SLC24A3: variants seen among roughly 807,000 people sequenced by gnomAD.
The protein encoded by SLC24A3 is sodium/potassium/calcium exchanger 3.
SLC24A3 carries 28 observed loss-of-function variants against 75.8 expected under a neutral mutation model. The observed-to-expected ratio is 0.37, with a 90% CI of 0.27 to 0.51. The LOEUF (loss-of-function observed/expected upper bound fraction) is 0.51, where lower values mean the gene tolerates loss of function less well. SLC24A3 is among the 20% of genes least tolerant of loss of function. SLC24A3 has a pLI of 0.94. For missense variants in SLC24A3, 663 were observed against 847.8 expected (o/e 0.78, Z 2.71); for synonymous variants, 372 against 334.1 (o/e 1.11, Z -1.24).
rs555751486 is a variant in SLC24A3 at position 19,274,338 on chromosome 20, ATCT to A, written c.143-6617_143-6615del. On this transcript the variant is annotated intron_variant, in intron 1 of 16. Coordinates refer to ENST00000328041, the MANE Select transcript of SLC24A3 (RefSeq NM_020689.4). ...ACCTATCGCCTCCTGTGGCTTGGAGATCTTCTCCCAGCCACCTTCTCTGGATAT... is the reference window on the plus strand; with the variant it reads ...ACCTATCGCCTCCTGTGGCTTGGAGATCTCCCAGCCACCTTCTCTGGATAT... Among the ~76,000 whole-genome samples the A allele has an allele frequency of 1.3e-3, 194 of 151,932 alleles. 1 individual carries two copies. The highest frequency in any genetic ancestry group is 3.4e-3 in the African/African-American group (139 of 41,458).
chr20:19,569,504 C>T (rs137860415), intron 3 of SLC24A3, among the ~76,000 whole-genome samples: 14 of 152,200 alleles, frequency 9.2e-5, no homozygotes, highest in African/African-American at 3.1e-4. Flanking sequence ...TTCTCTGCTC[C>T]AACCCCTCTC....
intron 2 of SLC24A3, among the ~76,000 whole-genome samples, chr20:19,336,094 A>AAG (rs35962609): frequency 0.16 from 24,310 of 152,116 alleles, 4,131 homozygotes; most frequent in African/African-American, 0.41. Context: ...ACTTAGAAGT[A>AAG]AGACTTTAAT....
At chr20:19,658,038 G>A (rs572747760) in intron 7 of SLC24A3, among the ~76,000 whole-genome samples, 3 of 152,260 alleles carry the variant, frequency 2.0e-5, no homozygotes, top group South Asian at 4.1e-4. Flanking sequence ...TTCAGAAGGC[G>A]TGTAACTGTC....
At chr20:19,506,528 C>A (rs1988464460) in intron 2 of SLC24A3, among the ~76,000 whole-genome samples, 1 of 152,194 alleles carries the variant, frequency 6.6e-6, no homozygotes, top group Non-Finnish European at 1.5e-5. Flanking sequence ...TCAGCTCTTC[C>A]ACTAACGTCT....
chr20:19,473,739 C>T lies in SLC24A3; in HGVS notation c.272-41749C>T, dbSNP rs567328379. ...ACAATGCTGTCCACAGAGGGTCTGG[C>T]CACTGCTATGCAGAGGCTGATGGGC... is the stretch of plus-strand genomic sequence containing the variant. On this transcript the variant is annotated intron_variant, in intron 2 of 16. Transcript: ENST00000328041. 7.2e-5 allele frequency among the ~76,000 whole-genome samples: 11 copies of T among 152,324 alleles called. No homozygotes were observed. In the East Asian group the frequency reaches 9.7e-4, roughly 13 times the overall value.
intron 6 of SLC24A3, among the ~76,000 whole-genome samples, chr20:19,611,691 A>T (rs1009594940): frequency 6.6e-6 from 1 of 152,232 alleles, no homozygotes; most frequent in African/African-American, 2.4e-5. Context: ...CCAAGAGGAC[A>T]TTAGGGACTA....
chr20:19,536,783 C>T (rs1270536072), intron 3 of SLC24A3, among the ~76,000 whole-genome samples: 1 of 152,132 alleles, frequency 6.6e-6, no homozygotes, highest in Non-Finnish European at 1.5e-5. Context: ...GGAAAGGATT[C>T]CCTATTTAAT....
intron 1 of SLC24A3, among the ~76,000 whole-genome samples, chr20:19,256,915 G>C (rs1327786819): frequency 6.6e-6 from 1 of 151,888 alleles, no homozygotes; most frequent in Non-Finnish European, 1.5e-5. Context: ...TGAAATTAAT[G>C]TCACCTGTTT....
intron 15 of SLC24A3, among the ~76,000 whole-genome samples, chr20:19,714,308 G>C (rs890213998): frequency 6.6e-6 from 1 of 150,634 alleles, no homozygotes; most frequent in East Asian, 2.0e-4. Context: ...GGGAGGCTAA[G>C]GCAGGAGGAT....
At chr20:19,400,310 T>G (rs554965709) in intron 2 of SLC24A3, among the ~76,000 whole-genome samples, 1 of 152,192 alleles carries the variant, frequency 6.6e-6, no homozygotes, top group Non-Finnish European at 1.5e-5. Context: ...ACAGTTTGAT[T>G]CTTTTGGATC....
chr20:19,437,288 G>C (rs1177268928), intron 2 of SLC24A3, among the ~76,000 whole-genome samples: 1 of 152,122 alleles, frequency 6.6e-6, no homozygotes, highest in Non-Finnish European at 1.5e-5. Context: ...TCCCCATGCT[G>C]TTCTCATGAT....
chr20:19,559,762 G>T (rs2030844765), intron 3 of SLC24A3, among the ~76,000 whole-genome samples: 1 of 151,976 alleles, frequency 6.6e-6, no homozygotes, highest in Admixed American at 6.6e-5. Flanking sequence ...GAGAAATTTT[G>T]ATGCTTTTTT....
intron 6 of SLC24A3, among the ~76,000 whole-genome samples, chr20:19,586,358 C>T (rs2031295768): frequency 6.6e-6 from 1 of 152,184 alleles, no homozygotes; most frequent in Non-Finnish European, 1.5e-5. Context: ...CTTTGTGTAT[C>T]TTCTAGTAAA....
chr20:19,599,256 A>G (rs867616104), intron 6 of SLC24A3, among the ~76,000 whole-genome samples: 3 of 152,352 alleles, frequency 2.0e-5, no homozygotes, highest in Admixed American at 6.5e-5. Flanking sequence ...GGAGCAAAAC[A>G]GGACAGAGGG....
At position 19,559,367 on chromosome 20, in the gene SLC24A3, A is replaced by G. The variant is rs368188375; in HGVS notation, c.349-20633A>G. On this transcript the variant is annotated intron_variant, in intron 3 of 16. Coordinates refer to ENST00000328041, the MANE Select transcript of SLC24A3 (RefSeq NM_020689.4). ...TACATATTGAATACATGTACTTCATAAGATACATAGCTTGTGCTTATTTTC... is the reference window on the plus strand; with the variant it reads ...TACATATTGAATACATGTACTTCATGAGATACATAGCTTGTGCTTATTTTC... 4.7e-4 allele frequency among the ~76,000 whole-genome samples: 71 copies of G among 152,316 alleles called. No individual in the cohort carries two copies. The Middle Eastern group carries it at 0.01, about 22-fold the overall frequency.
At chr20:19,596,061 AGCCTT>A (rs962048291) in intron 6 of SLC24A3, among the ~76,000 whole-genome samples, 39 of 152,278 alleles carry the variant, frequency 2.6e-4, no homozygotes, top group African/African-American at 9.1e-4. Context: ...GATCATGTCC[AGCCTT>A]GGGTCATGCT....
chr20:19,284,469 C>G (rs1020949844), intron 2 of SLC24A3: 1 of 152,660 alleles, frequency 6.6e-6, no homozygotes, highest in African/African-American at 2.4e-5. Flanking sequence ...TGGACTCTCT[C>G]CCTTCCTATT....
intron 8 of SLC24A3, among the ~76,000 whole-genome samples, chr20:19,670,551 C>T (rs1285919879): frequency 6.6e-6 from 1 of 152,190 alleles, no homozygotes; most frequent in South Asian, 2.1e-4. Context: ...AAGTGCTGGA[C>T]TTAATTCAAT....
intron 2 of SLC24A3, among the ~76,000 whole-genome samples, chr20:19,484,025 T>C (rs1988095055): frequency 6.6e-6 from 1 of 152,296 alleles, no homozygotes; most frequent in Admixed American, 6.5e-5. Flanking sequence ...TGAAGAGATA[T>C]TTGCACACCT....
Sources: allele counts gnomAD v4.1 joint callset (sites outside exome capture counted in the v4.1 genomes callset), GRCh38; gene constraint gnomAD v4.1.1; transcripts MANE v1.5; gene names NCBI Gene and HGNC (gene_info 2026-07-23, HGNC 2026-07-21).